LPP: variants seen among roughly 807,000 people sequenced by gnomAD.
LPP encodes the protein lipoma-preferred partner.
A neutral mutation model predicts 60.4 loss-of-function variants in LPP; 38 were observed. The observed-to-expected ratio is 0.63, with a 90% CI of 0.49 to 0.83. LPP has a LOEUF of 0.83. Among genes scored for constraint, LPP ranks in the 40% least tolerant of loss-of-function variants. LPP has a pLI of 0.00. For synonymous variants in LPP, 328 were observed against 290.8 expected (o/e 1.13, Z -1.30); for missense variants, 902 against 783.6 (o/e 1.15, Z -1.80).
chr3:188,275,144 G>A lies in LPP; in HGVS notation c.-67+49617G>A, dbSNP rs376352069. Among the ~76,000 whole-genome samples, 17 of 152,312 alleles carry A rather than the reference G, an allele frequency of 1.1e-4. 1 individual carries two copies. In the South Asian group the frequency reaches 3.5e-3, roughly 32 times the overall value. On this transcript the variant is annotated intron_variant, in intron 2 of 11. Transcript: ENST00000617246. ...CTTTTCCCAAAGGAGAGACTGGAAT[G>A]GCCAGAGCCCATCCTGACTTTGGGT...
At chr3:188,594,287 C>A (rs1839553745) in intron 6 of LPP, among the ~76,000 whole-genome samples, 1 of 152,150 alleles carries the variant, frequency 6.6e-6, no homozygotes, top group Admixed American at 6.5e-5. Flanking sequence ...AACTGAGTCA[C>A]ACAGACAAGA....
At position 188,230,774 on chromosome 3, in the gene LPP, A is replaced by G. The variant is rs577014307; in HGVS notation, c.-67+5247A>G. 7.2e-3 allele frequency among the ~76,000 whole-genome samples: 720 copies of G among 99,516 alleles called. 5 individuals carry two copies. The highest frequency in any genetic ancestry group is 0.023 in the African/African-American group (697 of 30,364). The allele number at this position is 99,516 out of a possible 152,430, so 65.3% of individuals were successfully genotyped here. A position where few individuals can be genotyped will look rare whatever the true frequency, so the allele number is the denominator to read the frequency against. ...GGCAACAACAGCAAAACTCTGTCTC[A>G]AAAAAAAAAAAAAAGAAAAAAAGCA... On this transcript the variant is annotated intron_variant, in intron 2 of 11. Coordinates refer to ENST00000617246, the MANE Select transcript of LPP (RefSeq NM_001375462.1).
At chr3:188,378,125 T>A (rs942910041) in intron 3 of LPP, among the ~76,000 whole-genome samples, 4 of 152,088 alleles carry the variant, frequency 2.6e-5, no homozygotes, top group African/African-American at 7.2e-5. Context: ...TACTGGGGGG[T>A]GCCTCCCAGT....
intron 9 of LPP, among the ~76,000 whole-genome samples, chr3:188,774,662 C>G (rs77903520): frequency 0.012 from 1,788 of 152,228 alleles, 33 homozygotes; most frequent in African/African-American, 0.04. Flanking sequence ...GAATGGAAGT[C>G]CGAGATCAGG....
At chr3:188,846,217 G>A (rs1046793415) in intron 9 of LPP, among the ~76,000 whole-genome samples, 8 of 152,120 alleles carry the variant, frequency 5.3e-5, no homozygotes, top group Admixed American at 2.6e-4. Context: ...GAGTATACCC[G>A]CAAAAGTTAT....
At chr3:188,715,095 A>T (rs1050430617) in intron 8 of LPP, among the ~76,000 whole-genome samples, 2 of 152,082 alleles carry the variant, frequency 1.3e-5, no homozygotes, top group African/African-American at 4.8e-5. Flanking sequence ...ATAGATACTT[A>T]AAAAGAACAA....
intron 4 of LPP, among the ~76,000 whole-genome samples, chr3:188,432,713 C>A (rs536141293): frequency 7.9e-5 from 12 of 152,052 alleles, no homozygotes; most frequent in Admixed American, 7.2e-4. Context: ...GACCCAGGAT[C>A]TTTATTACTT....
chr3:188,392,613 A>G (rs1014515840), intron 3 of LPP, among the ~76,000 whole-genome samples: 2 of 152,188 alleles, frequency 1.3e-5, no homozygotes, highest in African/African-American at 4.8e-5. Flanking sequence ...TACAACTCAC[A>G]GGTCAGTTAT....
intron 4 of LPP, among the ~76,000 whole-genome samples, chr3:188,471,471 T>C (rs1297086662): frequency 1.3e-5 from 2 of 152,100 alleles, no homozygotes; most frequent in Non-Finnish European, 2.9e-5. Context: ...TTAGAAAAAT[T>C]TGGTGTAATT....
At chr3:188,668,611 T>G (rs1856301130) in intron 7 of LPP, among the ~76,000 whole-genome samples, 1 of 152,208 alleles carries the variant, frequency 6.6e-6, no homozygotes, top group South Asian at 2.1e-4. Context: ...GATTGAAAGT[T>G]AGATCCTCAG....
In LPP at chr3:188,373,534, T is replaced by G. The variant is rs540083064; in HGVS notation, c.-10+31815T>G. 4.7e-3 allele frequency among the ~76,000 whole-genome samples: 721 copies of G among 152,198 alleles called. 9 individuals carry two copies. Among genetic ancestry groups the G allele is most frequent in the African/African-American group, 0.015 (627 of 41,530 alleles). On this transcript the variant is annotated intron_variant, in intron 3 of 11. Transcript: ENST00000617246. ...TGAGAAGTGTCTGTTCATGTCCTTC[T>G]CCCACTTTTTGATGGGGTTGTTTGT... is the stretch of plus-strand genomic sequence containing the variant.
At chr3:188,274,803 G>A (rs1427273738) in intron 2 of LPP, among the ~76,000 whole-genome samples, 1 of 152,206 alleles carries the variant, frequency 6.6e-6, no homozygotes, top group Non-Finnish European at 1.5e-5. Flanking sequence ...GGTTAGAGTG[G>A]ATTGGTTGAG....
Position 188,345,217 on chromosome 3 carries a change from C to G in LPP, c.-10+3498C>G, listed in dbSNP as rs538784845. 4.6e-5 allele frequency among the ~76,000 whole-genome samples: 7 copies of G among 152,242 alleles called. No homozygotes were observed. The East Asian group carries it at 1.4e-3, about 29-fold the overall frequency. On this transcript the variant is annotated intron_variant, in intron 3 of 11. Transcript: ENST00000617246. ...TCTTAAAAGGCCATTATCTTCCAGG[C>G]AAAACCAATTTCATTTTCAGCATGG...
intron 2 of LPP, among the ~76,000 whole-genome samples, chr3:188,251,344 TTC>T (rs568668519): frequency 3.3e-5 from 5 of 152,024 alleles, no homozygotes; most frequent in African/African-American, 1.2e-4. Context: ...GTCTTGTATA[TTC>T]TCTGTCCCAG....
intron 8 of LPP, chr3:188,711,646 G>A (rs1287192931): frequency 2.0e-5 from 3 of 152,180 alleles, no homozygotes; most frequent in African/African-American, 7.2e-5. Context: ...AAAAAAAAGT[G>A]CCTATGGTAA....
At chr3:188,622,799 G>A (rs1248253733) in intron 7 of LPP, among the ~76,000 whole-genome samples, 1 of 152,108 alleles carries the variant, frequency 6.6e-6, no homozygotes, top group Non-Finnish European at 1.5e-5. Flanking sequence ...GGAGACCGAG[G>A]CAGGCAGATC....
chr3:188,771,607 C>T (rs1049578086), intron 9 of LPP, among the ~76,000 whole-genome samples: 2 of 149,478 alleles, frequency 1.3e-5, no homozygotes, highest in Non-Finnish European at 3.0e-5. Flanking sequence ...AAGAAAGAGG[C>T]ACTTGAATGA....
At chr3:188,483,011 A>G (rs1319900144) in intron 4 of LPP, among the ~76,000 whole-genome samples, 1 of 152,200 alleles carries the variant, frequency 6.6e-6, no homozygotes, top group Admixed American at 6.5e-5. Flanking sequence ...TTCCAGAGAT[A>G]TTGATGAACT....
intron 10 of LPP, among the ~76,000 whole-genome samples, chr3:188,871,952 C>T (rs1413013910): frequency 2.0e-5 from 3 of 152,100 alleles, no homozygotes; most frequent in Non-Finnish European, 2.9e-5. Context: ...TTAGTATACA[C>T]TCACCCTTTA....
Sources: allele counts gnomAD v4.1 joint callset (sites outside exome capture counted in the v4.1 genomes callset), GRCh38; gene constraint gnomAD v4.1.1; transcripts MANE v1.5; gene names NCBI Gene and HGNC (gene_info 2026-07-23, HGNC 2026-07-21).